POLR3B: variants seen among roughly 807,000 people sequenced by gnomAD.
POLR3B encodes the protein DNA-directed RNA polymerase III subunit RPC2.
Under a neutral mutation model 147.4 loss-of-function variants are expected in POLR3B, and 96 were observed. The ratio of observed to expected loss-of-function variants is 0.65; its 90% CI spans 0.55 to 0.77. The LOEUF is 0.77. POLR3B is among the 30% of genes least tolerant of loss of function. The pLI is 0.00. For missense variants in POLR3B, 1,036 were observed against 1,413.5 expected (o/e 0.73, Z 4.28); for synonymous variants, 461 against 485.9 (o/e 0.95, Z 0.67).
rs930186402 is a variant in POLR3B, at chr12:106,475,141, A to G, written c.2713+11521A>G. 1.5e-4 allele frequency among the ~76,000 whole-genome samples: 17 copies of G among 116,290 alleles called. No individual in the cohort carries two copies. In the South Asian group the frequency reaches 3.1e-3, roughly 21 times the overall value. 76.3% of individuals were successfully genotyped at this position (116,290 alleles called of 152,430 possible). A position where few individuals can be genotyped will look rare whatever the true frequency, so the allele number is the denominator to read the frequency against. ...GTTATGTACCCAGTAGTCATTCAGG[A>G]GCAGGTTGTTCAGTTTCCATGTAGT... On this transcript the variant is annotated intron_variant, in intron 23 of 27. Coordinates refer to ENST00000228347, the MANE Select transcript of POLR3B (RefSeq NM_018082.6).
At chr12:106,446,229 C>G in intron 19 of POLR3B, 1 of 455,834 alleles carries the variant, frequency 2.2e-6, no homozygotes, top group South Asian at 1.6e-5. Flanking sequence ...AAACAATACA[C>G]CTTTTGTGTA....
intron 27 of POLR3B, 142 bp from the exon 28 acceptor site, chr12:106,509,278 A>G: frequency 2.4e-6 from 2 of 850,274 alleles, no homozygotes; most frequent in Non-Finnish European, 3.9e-6. Context: ...TACTTATATG[A>G]TAGTGCAACT....
intron 18 of POLR3B, among the ~76,000 whole-genome samples, chr12:106,442,372 T>C (rs2137014647): frequency 6.6e-6 from 1 of 152,326 alleles, no homozygotes; most frequent in African/African-American, 2.4e-5. Context: ...CAAAGCAGTA[T>C]ATTTAAAAGA....
At chr12:106,449,366 C>T (rs1432294548) in intron 19 of POLR3B, among the ~76,000 whole-genome samples, 3 of 152,086 alleles carry the variant, frequency 2.0e-5, no homozygotes, top group South Asian at 4.1e-4. Flanking sequence ...ACTAAGGATG[C>T]TCAACCTGTG....
At chr12:106,436,405 C>A (rs1263708221) in intron 16 of POLR3B, among the ~76,000 whole-genome samples, 1 of 152,196 alleles carries the variant, frequency 6.6e-6, no homozygotes, top group East Asian at 1.9e-4. Context: ...CTCCACCTTC[C>A]ACCCATTACG....
At chr12:106,420,455 C>G (rs1046781384) in intron 12 of POLR3B, among the ~76,000 whole-genome samples, 18 of 152,140 alleles carry the variant, frequency 1.2e-4, no homozygotes, top group Non-Finnish European at 2.4e-4. Context: ...GGCTTGGACC[C>G]TTTTTATTAA....
chr12:106,480,584 G>A (rs2038252935), intron 23 of POLR3B, among the ~76,000 whole-genome samples: 1 of 152,238 alleles, frequency 6.6e-6, no homozygotes, highest in Admixed American at 6.5e-5. Flanking sequence ...GCTACCCTTG[G>A]GTCTCAGATC....
intron 23 of POLR3B, among the ~76,000 whole-genome samples, chr12:106,486,416 A>G (rs963842379): frequency 4.0e-5 from 6 of 151,580 alleles, no homozygotes; most frequent in African/African-American, 1.5e-4. Context: ...TTCCAAGCAT[A>G]TGGCTCATTT....
intron 27 of POLR3B, among the ~76,000 whole-genome samples, chr12:106,505,213 G>C (rs2038667168): frequency 6.6e-6 from 1 of 152,136 alleles, no homozygotes; most frequent in Admixed American, 6.6e-5. Flanking sequence ...AGCTCACTTA[G>C]GGTTATTCCT....
chr12:106,399,158 C>G lies in POLR3B; in HGVS notation c.846+6005C>G, dbSNP rs569767741. Among the ~76,000 whole-genome samples the G allele has an allele frequency of 1.4e-4, 22 of 152,182 alleles. No individual in the cohort carries two copies. The South Asian group carries it at 4.4e-3, about 30-fold the overall frequency. ...TAAAGGACCTGATGGACCTGAAAAC[C>G]AAGGCACGAGAACTATGTGACGAAT... On this transcript the variant is annotated intron_variant, in intron 10 of 27. Coordinates refer to ENST00000228347, the MANE Select transcript of POLR3B (RefSeq NM_018082.6).
At chr12:106,492,077 C>G (rs558603206) in intron 23 of POLR3B, among the ~76,000 whole-genome samples, 9 of 152,160 alleles carry the variant, frequency 5.9e-5, no homozygotes, top group Non-Finnish European at 1.3e-4. Context: ...TTACAGTTGT[C>G]TTCTGCAGTT....
intron 23 of POLR3B, among the ~76,000 whole-genome samples, chr12:106,469,721 C>T (rs1452027594): frequency 6.6e-6 from 1 of 152,108 alleles, no homozygotes; most frequent in African/African-American, 2.4e-5. Context: ...CTTAGTTTGG[C>T]TGGATATGAA....
At chr12:106,383,443 C>T (rs75008043) in intron 9 of POLR3B, among the ~76,000 whole-genome samples, 1,858 of 150,450 alleles carry the variant, frequency 0.012, 34 homozygotes, top group African/African-American at 0.044. Context: ...TTTTGATTTA[C>T]GGTGACAGAC....
chr12:106,393,422 GT>G (rs201081405), intron 10 of POLR3B, among the ~76,000 whole-genome samples: 23 of 148,378 alleles, frequency 1.6e-4, no homozygotes, highest in African/African-American at 4.2e-4. Context: ...AGGAAGTACT[GT>G]TTTTTTTTCC....
At chr12:106,477,563 G>T (rs543583273) in intron 23 of POLR3B, among the ~76,000 whole-genome samples, 1 of 151,826 alleles carries the variant, frequency 6.6e-6, no homozygotes, top group Non-Finnish European at 1.5e-5. Flanking sequence ...ATATAGTCTC[G>T]TGGTGCACCG....
At chr12:106,446,361 A>G (rs1157283056) in intron 19 of POLR3B, 3 of 422,632 alleles carry the variant, frequency 7.1e-6, no homozygotes. Flanking sequence ...TTAAAAAATA[A>G]AGAATAGACT....
At position 106,393,111 on chromosome 12, in the gene POLR3B, T is replaced by C. The variant is rs1168755817; in HGVS notation, c.804T>C (p.Ser268=). Residue 268 remains serine, a synonymous_variant, in exon 10 of 28, where the codon AGT becomes AGC. Coordinates refer to ENST00000228347, the MANE Select transcript of POLR3B (RefSeq NM_018082.6). Reference sequence around the variant, plus strand: ...ACGTGATGGCTGCATTTGGGCCCAGTCTGGAAGAGTGCCAGAAAGCTCAGA... The same window carrying C: ...ACGTGATGGCTGCATTTGGGCCCAGCCTGGAAGAGTGCCAGAAAGCTCAGA... ...EEHVMAAFGP[S]LEECQKAQIF... is the part of the protein sequence containing the mutation. The C allele has an allele frequency of 1.2e-6, 2 of 1,614,182 alleles. No individual in the cohort carries two copies. Among genetic ancestry groups the C allele is most frequent in the Non-Finnish European group, 1.7e-6 (2 of 1,180,026 alleles).
intron 14 of POLR3B, 65 bp from the exon 15 acceptor site, chr12:106,432,253 A>T: frequency 6.9e-7 from 1 of 1,452,434 alleles, no homozygotes; most frequent in Non-Finnish European, 9.7e-7. Flanking sequence ...AGCTATTTTC[A>T]GATGTAAACT....
intron 20 of POLR3B, among the ~76,000 whole-genome samples, chr12:106,456,414 A>G (rs1045589666): frequency 2.6e-5 from 4 of 152,140 alleles, no homozygotes; most frequent in African/African-American, 9.7e-5. Context: ...CTCATCCACT[A>G]GATAAATGCA....
Sources: allele counts gnomAD v4.1 joint callset (sites outside exome capture counted in the v4.1 genomes callset), GRCh38; gene constraint gnomAD v4.1.1; transcripts MANE v1.5; gene names NCBI Gene and HGNC (gene_info 2026-07-23, HGNC 2026-07-21).